The following ABHD17C variants were observed in gnomAD, a reference collection of about 807,000 sequenced individuals.
ABHD17C encodes alpha/beta hydrolase domain-containing protein 17C.
A neutral mutation model predicts 27.9 loss-of-function variants in ABHD17C; 11 were observed. That is an observed-to-expected ratio of 0.39 (90% CI 0.25 to 0.65). The LOEUF is 0.65. Ranked by LOEUF, ABHD17C falls within the 30% of genes least tolerant of loss-of-function variation. The probability of loss-of-function intolerance (pLI) is 0.45; values close to 1 mark genes in which losing one functional copy is unlikely to be tolerated. For missense variants in ABHD17C, 280 were observed against 470.2 expected (o/e 0.60, Z 3.74); for synonymous variants, 233 against 209.1 (o/e 1.11, Z -0.98).
Position 80,695,863 on chromosome 15 carries a change from T to G in ABHD17C, c.434T>G (p.Leu145Arg). ...LLFSHGNAVD[L>R]GQMCSFYIGL... ...TTCTCGCACGGCAACGCCGTGGACCTGGGCCAGATGTGCAGCTTCTACATT... is the reference window on the plus strand; with the variant it reads ...TTCTCGCACGGCAACGCCGTGGACCGGGGCCAGATGTGCAGCTTCTACATT... Residue 145 changes from leucine to arginine, a missense_variant, in exon 1 of 3, where the codon CTG becomes CGG. Leu to Arg is a moderately radical substitution (Grantham distance 102). Coordinates refer to ENST00000258884, the MANE Select transcript of ABHD17C (RefSeq NM_021214.2). This position sits in a 1 kb window ranked among gnomAD's most constrained non-coding sequence, Gnocchi z 4.3. 6.3e-7 allele frequency: 1 copy of G among 1,596,200 alleles called. No individual in the cohort carries two copies. The highest frequency in any genetic ancestry group is 1.1e-5 in the South Asian group (1 of 90,612).
At chr15:80,722,051 G>C (rs1894904209) in intron 1 of ABHD17C, among the ~76,000 whole-genome samples, 1 of 152,066 alleles carries the variant, frequency 6.6e-6, no homozygotes, top group African/African-American at 2.4e-5. Context: ...CTGGGATTCA[G>C]GTGGTTTCCA....
chr15:80,729,742 G>T (rs1895031380), intron 1 of ABHD17C, among the ~76,000 whole-genome samples: 1 of 152,222 alleles, frequency 6.6e-6, no homozygotes, highest in African/African-American at 2.4e-5. Context: ...CGTTTGATAT[G>T]TTCGAGAACC....
chr15:80,750,636 A>C (rs1360591699), intron 2 of ABHD17C, among the ~76,000 whole-genome samples: 2 of 152,182 alleles, frequency 1.3e-5, no homozygotes, highest in African/African-American at 4.8e-5. Context: ...TTCTGTTAAC[A>C]CCTTGGGTGA....
chr15:80,745,587 A>T (rs1895271552), intron 1 of ABHD17C, among the ~76,000 whole-genome samples: 1 of 152,004 alleles, frequency 6.6e-6, no homozygotes, highest in African/African-American at 2.4e-5. Context: ...GGCTGGTCTC[A>T]AACTACTGGT....
intron 1 of ABHD17C, among the ~76,000 whole-genome samples, chr15:80,724,770 C>T (rs371026418): frequency 9.7e-4 from 147 of 152,254 alleles, no homozygotes; most frequent in African/African-American, 3.4e-3. Context: ...TCCTCCTTCT[C>T]CTTCTCCAGT....
intron 1 of ABHD17C, among the ~76,000 whole-genome samples, chr15:80,748,583 T>A (rs1194331618): frequency 6.6e-6 from 1 of 151,966 alleles, no homozygotes; most frequent in Non-Finnish European, 1.5e-5. Flanking sequence ...CCTATTTGTC[T>A]TTTTCTTTTT....
chr15:80,732,493 A>C (rs1467109324), intron 1 of ABHD17C, among the ~76,000 whole-genome samples: 1 of 152,174 alleles, frequency 6.6e-6, no homozygotes, highest in Non-Finnish European at 1.5e-5. Context: ...TGATTCTCTA[A>C]GGGCCTTTTC....
At chr15:80,711,893 T>G (rs1894733281) in intron 1 of ABHD17C, among the ~76,000 whole-genome samples, 1 of 152,234 alleles carries the variant, frequency 6.6e-6, no homozygotes, top group Non-Finnish European at 1.5e-5. Flanking sequence ...TGCAACTCTT[T>G]TTTGAAAAGT....
chr15:80,703,998 A>C (rs1289647951), intron 1 of ABHD17C, among the ~76,000 whole-genome samples: 1 of 152,230 alleles, frequency 6.6e-6, no homozygotes, highest in African/African-American at 2.4e-5. Context: ...CCAATATACT[A>C]TAATGAAAGT....
At chr15:80,717,951 C>T (rs1297716075) in intron 1 of ABHD17C, among the ~76,000 whole-genome samples, 1 of 152,134 alleles carries the variant, frequency 6.6e-6, no homozygotes, top group Non-Finnish European at 1.5e-5. Flanking sequence ...GCTGGTAGCC[C>T]CATCATCATG....
At chr15:80,706,139 T>C (rs1274348795) in intron 1 of ABHD17C, among the ~76,000 whole-genome samples, 6 of 152,382 alleles carry the variant, frequency 3.9e-5, no homozygotes, top group East Asian at 3.9e-4. Flanking sequence ...CCAGGGGACC[T>C]GAACAGCAAG....
intron 1 of ABHD17C, among the ~76,000 whole-genome samples, chr15:80,715,251 A>G (rs1211764490): frequency 6.6e-6 from 1 of 152,162 alleles, no homozygotes; most frequent in African/African-American, 2.4e-5. Context: ...TCCTCTCACC[A>G]TTTGGATTGG....
At chr15:80,704,996 C>T (rs1432235849) in intron 1 of ABHD17C, 3 of 152,402 alleles carry the variant, frequency 2.0e-5, no homozygotes, top group Non-Finnish European at 1.5e-5. Flanking sequence ...CACCATCCAC[C>T]GTTGGGCTAT....
intron 2 of ABHD17C, among the ~76,000 whole-genome samples, chr15:80,751,337 G>C (rs1895363259): frequency 6.6e-6 from 1 of 152,120 alleles, no homozygotes; most frequent in Non-Finnish European, 1.5e-5. Context: ...TCCAGCCTAG[G>C]TGACAGAGCA....
chr15:80,743,712 AG>A (rs1230584832), intron 1 of ABHD17C, among the ~76,000 whole-genome samples: 1 of 152,076 alleles, frequency 6.6e-6, no homozygotes, highest in African/African-American at 2.4e-5. Flanking sequence ...CCTCCCTAGT[AG>A]CAGGGACGCT....
chr15:80,746,771 C>T (rs746708516), intron 1 of ABHD17C, among the ~76,000 whole-genome samples: 3 of 152,162 alleles, frequency 2.0e-5, no homozygotes, highest in East Asian at 1.9e-4. Flanking sequence ...CCTCTTGGGT[C>T]GGTGCCTGTT....
At chr15:80,709,505 A>G (rs995711342) in intron 1 of ABHD17C, among the ~76,000 whole-genome samples, 4 of 152,022 alleles carry the variant, frequency 2.6e-5, no homozygotes, top group Non-Finnish European at 4.4e-5. Flanking sequence ...AAAAAAACAA[A>G]AAAACACACA....
intron 1 of ABHD17C, among the ~76,000 whole-genome samples, chr15:80,747,955 C>T (rs139469126): frequency 2.0e-5 from 3 of 152,202 alleles, no homozygotes. Flanking sequence ...AACCCTTTAG[C>T]TTCCAATTCA....
intron 1 of ABHD17C, among the ~76,000 whole-genome samples, chr15:80,713,086 T>A (rs76214096): frequency 7.2e-6 from 1 of 139,242 alleles, no homozygotes; most frequent in African/African-American, 2.8e-5. Context: ...TTTGTAAGTC[T>A]TTTTTTTTTT....
Sources: gnomAD v4.1 joint callset for allele counts (sites outside exome capture counted in the v4.1 genomes callset) on GRCh38, gnomAD v4.1.1 for gene constraint, Gnocchi (gnomAD v3.1) non-coding constraint, MANE v1.5 for transcripts, NCBI Gene and HGNC (gene_info 2026-07-23, HGNC 2026-07-21) for gene names.